Variants in ENOPH1 observed in about 807,000 individuals in gnomAD.
The protein encoded by ENOPH1 is enolase-phosphatase 1.
ENOPH1 carries 14 observed loss-of-function variants against 31.1 expected under a neutral mutation model. The ratio of observed to expected loss-of-function variants is 0.45; its 90% CI spans 0.30 to 0.70. The LOEUF (loss-of-function observed/expected upper bound fraction) is 0.70. Ranked by LOEUF, ENOPH1 falls within the 30% of genes least tolerant of loss-of-function variation. ENOPH1 has a pLI of 0.09. For synonymous variants in ENOPH1, 127 were observed against 123.2 expected (o/e 1.03, Z -0.21); for missense variants, 243 against 321.5 (o/e 0.76, Z 1.87).
chr4:82,455,399 C>A (rs959212046), intron 4 of ENOPH1, among the ~76,000 whole-genome samples: 2 of 152,062 alleles, frequency 1.3e-5, no homozygotes, highest in African/African-American at 4.8e-5. Context: ...GAATATAGAC[C>A]AAACTTAACA....
chr4:82,455,242 A>G (rs1722454383), intron 4 of ENOPH1, among the ~76,000 whole-genome samples: 1 of 152,220 alleles, frequency 6.6e-6, no homozygotes, highest in South Asian at 2.1e-4. Flanking sequence ...TTTAAATGTA[A>G]TAAGGTCGTC....
At chr4:82,459,278 C>A (rs1301247128) in intron 5 of ENOPH1, among the ~76,000 whole-genome samples, 1 of 151,892 alleles carries the variant, frequency 6.6e-6, no homozygotes, top group Non-Finnish European at 1.5e-5. Flanking sequence ...TTCCATTTGT[C>A]CCATTATCTT....
At chr4:82,440,583 A>G (rs528847963) in intron 1 of ENOPH1, among the ~76,000 whole-genome samples, 6 of 152,328 alleles carry the variant, frequency 3.9e-5, no homozygotes, top group African/African-American at 1.4e-4. Context: ...TCCACTGTTA[A>G]GGACTAGGAC....
At position 82,451,257 on chromosome 4, in the gene ENOPH1, A is replaced by C. The variant is rs1218930745; in HGVS notation, c.389+12A>C. Reference sequence around the variant, plus strand: ...CGCATGAAAGCAGAGTATGTGCTTGAGTCAGCCTAAACATTTCACCAGTCC... The same window carrying C: ...CGCATGAAAGCAGAGTATGTGCTTGCGTCAGCCTAAACATTTCACCAGTCC... On this transcript the variant is annotated intron_variant, in intron 3 of 5. Coordinates refer to ENST00000273920, the MANE Select transcript of ENOPH1 (RefSeq NM_021204.5). 1 of 1,613,310 alleles carries C rather than the reference A, an allele frequency of 6.2e-7. No individual in the cohort carries two copies.
intron 1 of ENOPH1, among the ~76,000 whole-genome samples, chr4:82,435,352 T>C (rs1721879688): frequency 1.3e-5 from 2 of 152,178 alleles, no homozygotes; most frequent in Admixed American, 1.3e-4. Context: ...AGTCCTCCCA[T>C]CACGGCTTCC....
chr4:82,446,849 GGCGCCCGCCACC>G, intron 1 of ENOPH1, among the ~76,000 whole-genome samples: 1 of 150,258 alleles, frequency 6.7e-6, no homozygotes, highest in Admixed American at 6.6e-5. Context: ...TGGGACTACA[GGCGCCCGCCACC>G]GCGCCCGGCT....
At chr4:82,450,472 TC>T (rs1722320436) in intron 2 of ENOPH1, among the ~76,000 whole-genome samples, 1 of 152,156 alleles carries the variant, frequency 6.6e-6, no homozygotes, top group Admixed American at 6.5e-5. Context: ...ACATACATAG[TC>T]CCCCATTATT....
intron 1 of ENOPH1, among the ~76,000 whole-genome samples, chr4:82,436,040 G>A (rs1721896604): frequency 6.6e-6 from 1 of 152,186 alleles, no homozygotes; most frequent in South Asian, 2.1e-4. Flanking sequence ...AGGAAGGATT[G>A]ATAAGGAAAA....
chr4:82,453,851 G>A (rs1207269368), intron 3 of ENOPH1, among the ~76,000 whole-genome samples: 2 of 152,146 alleles, frequency 1.3e-5, no homozygotes, highest in African/African-American at 2.4e-5. Context: ...GTTGGTACAA[G>A]TCTCAACTGA....
intron 1 of ENOPH1, among the ~76,000 whole-genome samples, chr4:82,445,415 A>C (rs763232939): frequency 2.6e-4 from 40 of 152,148 alleles, no homozygotes; most frequent in Non-Finnish European, 5.4e-4. Context: ...TTTTGCACTA[A>C]AATAGTACCG....
At chr4:82,435,564 C>A (rs1054035056) in intron 1 of ENOPH1, among the ~76,000 whole-genome samples, 1 of 152,174 alleles carries the variant, frequency 6.6e-6, no homozygotes, top group African/African-American at 2.4e-5. Flanking sequence ...TTGCAGTTAA[C>A]ATCTTTCTTA....
chr4:82,446,689 C>CTT lies in ENOPH1; in HGVS notation c.85-1204_85-1203dup, dbSNP rs1175624219. 3.1e-3 allele frequency among the ~76,000 whole-genome samples: 212 copies of CTT among 67,508 alleles called. 12 individuals are homozygous for CTT. Among genetic ancestry groups the CTT allele is most frequent in the African/African-American group, 3.3e-3 (71 of 21,472 alleles). The allele number at this position is 67,508 out of a possible 152,430, so 44.3% of individuals were successfully genotyped here. A position where few individuals can be genotyped will look rare whatever the true frequency, so the allele number is the denominator to read the frequency against. The stretch of plus-strand genomic sequence containing the variant: ...TTTTTTTTTTTTTGTGTGACGGAAT[C>CTT]TTTTTTTTTTTTTTTTTTTTTTTTT... On this transcript the variant is annotated intron_variant, in intron 1 of 5. Coordinates refer to ENST00000273920, the MANE Select transcript of ENOPH1 (RefSeq NM_021204.5).
intron 2 of ENOPH1, 143 bp downstream of exon 2, chr4:82,448,164 C>CT (rs1385019484): frequency 2.0e-6 from 1 of 509,058 alleles, no homozygotes; most frequent in Non-Finnish European, 3.5e-6. Context: ...GAGTTGCCTG[C>CT]TTAGGAATTC....
chr4:82,435,347 T>C (rs1721879469), intron 1 of ENOPH1, among the ~76,000 whole-genome samples: 1 of 152,178 alleles, frequency 6.6e-6, no homozygotes, highest in Non-Finnish European at 1.5e-5. Flanking sequence ...CAAACAGTCC[T>C]CCCATCACGG....
intron 1 of ENOPH1, among the ~76,000 whole-genome samples, chr4:82,441,618 A>G (rs1722044495): frequency 1.3e-5 from 2 of 152,230 alleles, no homozygotes; most frequent in Admixed American, 6.5e-5. Context: ...TGGGCGACAG[A>G]GCGAGACTGC....
intron 3 of ENOPH1, among the ~76,000 whole-genome samples, chr4:82,452,516 T>A (rs150577685): frequency 6.6e-6 from 1 of 152,090 alleles, no homozygotes; most frequent in Admixed American, 6.6e-5. Flanking sequence ...GGTCTTGAAC[T>A]CCTGACCTCA....
At chr4:82,432,038 T>G (rs769423870) in intron 1 of ENOPH1, among the ~76,000 whole-genome samples, 7 of 151,348 alleles carry the variant, frequency 4.6e-5, no homozygotes, top group African/African-American at 1.7e-4. Context: ...TGCCCCAGCC[T>G]CTCGAGTAGT....
intron 1 of ENOPH1, among the ~76,000 whole-genome samples, chr4:82,443,101 G>A (rs186121588): frequency 4.3e-3 from 643 of 150,120 alleles, no homozygotes; most frequent in Non-Finnish European, 5.5e-3. Flanking sequence ...CACCGCGCCC[G>A]GGCGTATGTC....
In ENOPH1 at chr4:82,460,175, T is replaced by C. The variant is rs926343179; in HGVS notation, c.*55T>C. The stretch of plus-strand genomic sequence containing the variant: ...TCCCCAGAGTTGTCCCTGTAGTGTC[T>C]AGGTTTATTCTAATGGTAAAAGTAA... On this transcript the variant is annotated 3_prime_UTR_variant, in exon 6 of 6. Transcript: ENST00000273920. 18 of 1,585,112 alleles carry C rather than the reference T, an allele frequency of 1.1e-5. No individual in the cohort carries two copies. The highest frequency in any genetic ancestry group is 1.5e-5 in the Non-Finnish European group (17 of 1,157,550).
Sources: gnomAD v4.1 joint callset for allele counts (sites outside exome capture counted in the v4.1 genomes callset) on GRCh38, gnomAD v4.1.1 for gene constraint, MANE v1.5 for transcripts, NCBI Gene and HGNC (gene_info 2026-07-23, HGNC 2026-07-21) for gene names.